Variants in DTNB observed in about 807,000 individuals in gnomAD.
The protein encoded by DTNB is dystrobrevin beta.
In DTNB, 63 loss-of-function variants were observed where a neutral mutation model predicts 90.7. The ratio of observed to expected loss-of-function variants is 0.69; its 90% CI spans 0.57 to 0.86. The LOEUF (loss-of-function observed/expected upper bound fraction) is 0.86. Among genes scored for constraint, DTNB ranks in the 40% least tolerant of loss-of-function variants. The pLI is 0.00. For synonymous variants in DTNB, 277 were observed against 286.7 expected, an observed-to-expected ratio of 0.97 and a Z score of 0.34; for missense variants, 744 against 807.1, an observed-to-expected ratio of 0.92 and a Z score of 0.95.
At chr2:25,623,812 T>C (rs1239387633) in intron 4 of DTNB, among the ~76,000 whole-genome samples, 2 of 151,578 alleles carry the variant, frequency 1.3e-5, no homozygotes, top group African/African-American at 4.8e-5. Flanking sequence ...CAACAAACAG[T>C]ACAAAAAGAA....
intron 6 of DTNB, among the ~76,000 whole-genome samples, chr2:25,586,407 G>A (rs566335728): frequency 2.8e-4 from 43 of 151,920 alleles, no homozygotes; most frequent in African/African-American, 1.0e-3. Context: ...CTACTCGGGA[G>A]GCTGAGGCAG....
intron 1 of DTNB, among the ~76,000 whole-genome samples, chr2:25,657,528 G>A (rs1399165124): frequency 2.6e-5 from 4 of 152,122 alleles, no homozygotes; most frequent in African/African-American, 9.7e-5. Context: ...AGACCAGCCT[G>A]GGCAACATGG....
intron 6 of DTNB, among the ~76,000 whole-genome samples, chr2:25,587,278 T>A (rs900194532): frequency 1.3e-5 from 2 of 152,204 alleles, no homozygotes; most frequent in Non-Finnish European, 2.9e-5. Context: ...AATTTGCTTA[T>A]GATTAAAAGG....
At chr2:25,544,125 T>C (rs983256617) in intron 8 of DTNB, among the ~76,000 whole-genome samples, 8 of 152,160 alleles carry the variant, frequency 5.3e-5, no homozygotes, top group Non-Finnish European at 1.0e-4. Flanking sequence ...GCGTGGGGGA[T>C]GTGGAGTACC....
At chr2:25,415,450 T>C (rs970466762) in intron 16 of DTNB, among the ~76,000 whole-genome samples, 7 of 152,074 alleles carry the variant, frequency 4.6e-5, no homozygotes, top group Non-Finnish European at 8.8e-5. Context: ...TTTCACTATG[T>C]TGGCCAGGCT....
chr2:25,672,102 C>T (rs566044532), intron 1 of DTNB, among the ~76,000 whole-genome samples: 8 of 147,586 alleles, frequency 5.4e-5, no homozygotes, highest in Admixed American at 4.2e-4. Context: ...ACATGAAAGA[C>T]ACATGGGAAA....
intron 16 of DTNB, among the ~76,000 whole-genome samples, chr2:25,395,730 A>G (rs918933335): frequency 6.6e-6 from 1 of 152,186 alleles, no homozygotes; most frequent in African/African-American, 2.4e-5. Context: ...TGTAATTGAT[A>G]AAGGTACTTC....
intron 4 of DTNB, among the ~76,000 whole-genome samples, chr2:25,618,112 G>A (rs1482367466): frequency 6.6e-6 from 1 of 152,114 alleles, no homozygotes; most frequent in Non-Finnish European, 1.5e-5. Flanking sequence ...TGCACAGAAT[G>A]CTTTTCTTGG....
At chr2:25,407,373 A>C (rs2045463634) in intron 16 of DTNB, among the ~76,000 whole-genome samples, 1 of 152,230 alleles carries the variant, frequency 6.6e-6, no homozygotes. Flanking sequence ...AGATTCTTTG[A>C]AGAACCAAAA....
chr2:25,418,130 A>T (rs1437263160), intron 16 of DTNB, among the ~76,000 whole-genome samples: 2 of 152,162 alleles, frequency 1.3e-5, no homozygotes, highest in African/African-American at 2.4e-5. Context: ...AAAAAAGCAA[A>T]ACCAAACCTA....
chr2:25,533,615 C>T (rs2078704785), intron 8 of DTNB, among the ~76,000 whole-genome samples: 1 of 152,212 alleles, frequency 6.6e-6, no homozygotes, highest in South Asian at 2.1e-4. Flanking sequence ...AGCTTTCACA[C>T]CTGACTCCTG....
At chr2:25,618,324 C>A (rs1396211287) in intron 4 of DTNB, among the ~76,000 whole-genome samples, 1 of 152,186 alleles carries the variant, frequency 6.6e-6, no homozygotes, top group Admixed American at 6.5e-5. Context: ...CTAACTGATT[C>A]CTTCTTCTTG....
chr2:25,407,466 G>A (rs913919435), intron 16 of DTNB, among the ~76,000 whole-genome samples: 8 of 152,216 alleles, frequency 5.3e-5, no homozygotes, highest in East Asian at 1.9e-4. Flanking sequence ...AAAGACACAC[G>A]CACACATATG....
chr2:25,548,646 A>G (rs2151084489), intron 8 of DTNB, among the ~76,000 whole-genome samples: 1 of 152,258 alleles, frequency 6.6e-6, no homozygotes, highest in South Asian at 2.1e-4. Flanking sequence ...AAGGGGGAGT[A>G]GGGCAGAAGA....
chr2:25,608,114 T>C (rs528923630), intron 4 of DTNB, among the ~76,000 whole-genome samples: 89 of 152,364 alleles, frequency 5.8e-4, no homozygotes, highest in African/African-American at 2.1e-3. Context: ...GTTAAAGTTA[T>C]CACAGGTAAG....
At chr2:25,480,527 C>T (rs999449040) in intron 10 of DTNB, among the ~76,000 whole-genome samples, 1 of 152,170 alleles carries the variant, frequency 6.6e-6, no homozygotes, top group Non-Finnish European at 1.5e-5. Flanking sequence ...TAGGCCTCTA[C>T]AGAGGTGGCT....
At chr2:25,545,135 GAACAGTCTCT>G (rs2082148293) in intron 8 of DTNB, among the ~76,000 whole-genome samples, 1 of 152,124 alleles carries the variant, frequency 6.6e-6, no homozygotes, top group African/African-American at 2.4e-5. Flanking sequence ...ATTTTCACTT[GAACAGTCTCT>G]AACTTTCTAT....
intron 15 of DTNB, among the ~76,000 whole-genome samples, chr2:25,427,193 AC>A (rs2052028382): frequency 6.6e-6 from 1 of 150,850 alleles, no homozygotes; most frequent in Non-Finnish European, 1.5e-5. Flanking sequence ...ACACACACAC[AC>A]ACACACACAC....
intron 4 of DTNB, among the ~76,000 whole-genome samples, chr2:25,612,881 A>T (rs1052452060): frequency 6.6e-6 from 1 of 152,212 alleles, no homozygotes; most frequent in African/African-American, 2.4e-5. Context: ...AGAGAAACAG[A>T]TAAACTGAAT....
Sources: allele counts gnomAD v4.1 joint callset (sites outside exome capture counted in the v4.1 genomes callset), GRCh38; gene constraint gnomAD v4.1.1; transcripts MANE v1.5; gene names NCBI Gene and HGNC (gene_info 2026-07-23, HGNC 2026-07-21).